Variants in DHRSX observed in about 807,000 individuals in gnomAD.
DHRSX encodes polyprenol dehydrogenase.
A neutral mutation model predicts 34.0 loss-of-function variants in DHRSX; 31 were observed. The observed-to-expected ratio is 0.91, with a 90% CI of 0.69 to 1.23. The LOEUF (loss-of-function observed/expected upper bound fraction) is 1.23. DHRSX is among the 50% of genes most tolerant of loss of function. DHRSX has a pLI of 0.00. For synonymous variants in DHRSX, 201 were observed against 183.8 expected, an observed-to-expected ratio of 1.09 and a Z score of -0.76; for missense variants, 414 against 428.1, an observed-to-expected ratio of 0.97 and a Z score of 0.29.
chrX:2,302,551 G>T (rs906588693), intron 3 of DHRSX, among the ~76,000 whole-genome samples: 2 of 152,118 alleles, frequency 1.3e-5, no homozygotes, highest in African/African-American at 2.4e-5. Context: ...GGTGGAGGTT[G>T]CAGTGAGCTG....
rs1258130945 is a variant in DHRSX, at chrX:2,489,463, G to A, written c.109+11354C>T. 3 of 1,613,920 alleles carry A rather than the reference G, an allele frequency of 1.9e-6. No individual in the cohort carries two copies. In the South Asian group the frequency reaches 3.3e-5, roughly 18 times the overall value. On this transcript the variant is annotated intron_variant, in intron 1 of 6. Transcript: ENST00000334651. ...TGTGCAGCAGCGGCTTCACCATGCT[G>A]ATGGTGGGGTACCTGGAGGCCGACA...
At chrX:2,231,226 G>A (rs2124408946) in intron 6 of DHRSX, among the ~76,000 whole-genome samples, 1 of 152,196 alleles carries the variant, frequency 6.6e-6, no homozygotes, top group Non-Finnish European at 1.5e-5. Context: ...CCACCAGAGA[G>A]TCCATCACAG....
At chrX:2,478,418 T>G (rs1186887794) in intron 1 of DHRSX, among the ~76,000 whole-genome samples, 7 of 152,046 alleles carry the variant, frequency 4.6e-5, no homozygotes, top group African/African-American at 1.7e-4. Context: ...GACTGTCACC[T>G]TGTACAAACT....
intron 2 of DHRSX, among the ~76,000 whole-genome samples, chrX:2,409,520 G>A (rs1269544045): frequency 6.6e-6 from 1 of 152,060 alleles, no homozygotes; most frequent in Non-Finnish European, 1.5e-5. Context: ...AGGAGAACAT[G>A]GGGTCTTTGG....
At position 2,307,797 on chromosome X, in the gene DHRSX, AT is replaced by A. The variant is rs1436434104; in HGVS notation, c.287-16195del. On this transcript the variant is annotated intron_variant, in intron 3 of 6. Transcript: ENST00000334651. ...AAAAAAAGTAATAAAAATAAAAAAA[AT>A]AAAATAAAAAACAAGGAAAAACAAA... 8.6e-3 allele frequency among the ~76,000 whole-genome samples: 1,262 copies of A among 146,844 alleles called. 14 individuals carry two copies. Among genetic ancestry groups the A allele is most frequent in the Middle Eastern group, 0.054 (15 of 278 alleles).
At chrX:2,470,551 T>C (rs949882468) in intron 1 of DHRSX, among the ~76,000 whole-genome samples, 4 of 151,846 alleles carry the variant, frequency 2.6e-5, no homozygotes, top group African/African-American at 9.7e-5. Context: ...CTACAAAAAA[T>C]TTAAAAATTA....
intron 1 of DHRSX, among the ~76,000 whole-genome samples, chrX:2,428,608 C>T (rs1315092878): frequency 6.6e-6 from 1 of 152,046 alleles, no homozygotes; most frequent in Admixed American, 6.6e-5. Context: ...CATCACACAC[C>T]AGGGCCTGTC....
intron 6 of DHRSX, among the ~76,000 whole-genome samples, chrX:2,223,207 TG>T (rs2015560352): frequency 6.6e-6 from 1 of 152,144 alleles, no homozygotes; most frequent in African/African-American, 2.4e-5. Context: ...AATTGAATCA[TG>T]GGAGATCTTT....
intron 3 of DHRSX, among the ~76,000 whole-genome samples, chrX:2,387,904 C>CA (rs557047764): frequency 0.25 from 18,233 of 73,874 alleles, 2,761 homozygotes; most frequent in East Asian, 0.48. Flanking sequence ...CCCTCCCCTG[C>CA]AAAAAAAAAA....
chrX:2,497,200 G>C (rs2045307086), intron 1 of DHRSX, among the ~76,000 whole-genome samples: 1 of 152,132 alleles, frequency 6.6e-6, no homozygotes, highest in African/African-American at 2.4e-5. Flanking sequence ...TTTGAGACCA[G>C]CCTGACCAAC....
In DHRSX at chrX:2,490,222, C is replaced by T. The variant is rs774069276; in HGVS notation, c.109+10595G>A. On this transcript the variant is annotated intron_variant, in intron 1 of 6. Transcript: ENST00000334651. ...CAGGGATGGCCTTGGTAGAGATGTACTTCCGGCTGGGCAGCTCATACCGGG... is the reference window on the plus strand; with the variant it reads ...CAGGGATGGCCTTGGTAGAGATGTATTTCCGGCTGGGCAGCTCATACCGGG... The T allele has an allele frequency of 2.7e-5, 44 of 1,613,860 alleles. No homozygotes were observed. The South Asian group carries it at 4.6e-4, about 17-fold the overall frequency.
intron 5 of DHRSX, among the ~76,000 whole-genome samples, chrX:2,262,412 C>T (rs777025490): frequency 3.0e-4 from 46 of 152,282 alleles, no homozygotes; most frequent in South Asian, 1.7e-3. Context: ...CACACTGGCA[C>T]GCACCTCACC....
At chrX:2,472,708 G>A (rs891415779) in intron 1 of DHRSX, among the ~76,000 whole-genome samples, 1 of 152,140 alleles carries the variant, frequency 6.6e-6, no homozygotes, top group African/African-American at 2.4e-5. Flanking sequence ...GACGGAGGTT[G>A]CAGTGAACCC....
chrX:2,264,251 C>T (rs2041405953), intron 5 of DHRSX, among the ~76,000 whole-genome samples: 1 of 152,126 alleles, frequency 6.6e-6, no homozygotes, highest in Non-Finnish European at 1.5e-5. Flanking sequence ...GCCCAGAGCA[C>T]CGCTACCCAG....
At chrX:2,260,584 C>T (rs1424578009) in intron 5 of DHRSX, among the ~76,000 whole-genome samples, 12 of 152,130 alleles carry the variant, frequency 7.9e-5, no homozygotes, top group African/African-American at 1.2e-4. Context: ...CTCAGCCTCC[C>T]GAGTACCTGG....
chrX:2,488,363 CG>C (rs1366881447), intron 1 of DHRSX: 78 of 424,394 alleles, frequency 1.8e-4, no homozygotes, highest in Non-Finnish European at 3.0e-4. Flanking sequence ...TTAGTAGAGA[CG>C]GGGTTTCGCC....
intron 3 of DHRSX, among the ~76,000 whole-genome samples, chrX:2,386,564 G>A (rs929803911): frequency 1.3e-5 from 2 of 152,114 alleles, no homozygotes; most frequent in South Asian, 2.1e-4. Flanking sequence ...AAGTTCTGAC[G>A]GTTGAAATTT....
intron 3 of DHRSX, among the ~76,000 whole-genome samples, chrX:2,402,453 T>C (rs933582908): frequency 6.6e-6 from 1 of 152,068 alleles, no homozygotes. Flanking sequence ...GTCCATAAGA[T>C]GTTGTGGGCA....
At chrX:2,444,631 G>A (rs2044104534) in intron 1 of DHRSX, among the ~76,000 whole-genome samples, 1 of 152,108 alleles carries the variant, frequency 6.6e-6, no homozygotes, top group South Asian at 2.1e-4. Context: ...CAGAGTTCCA[G>A]ACGAACCTGG....
Sources: allele counts gnomAD v4.1 joint callset (sites outside exome capture counted in the v4.1 genomes callset), GRCh38; gene constraint gnomAD v4.1.1; transcripts MANE v1.5; gene names NCBI Gene and HGNC (gene_info 2026-07-23, HGNC 2026-07-21).